Variants in SDK1 observed in about 807,000 individuals in gnomAD.
The protein encoded by SDK1 is protein sidekick-1.
Under a neutral mutation model 245.5 loss-of-function variants are expected in SDK1, and 157 were observed. The ratio of observed to expected loss-of-function variants is 0.64; its 90% CI spans 0.56 to 0.73. The LOEUF (loss-of-function observed/expected upper bound fraction) is 0.73. Ranked by LOEUF, SDK1 falls within the 30% of genes least tolerant of loss-of-function variation. The pLI, the probability that SDK1 is intolerant of heterozygous loss-of-function variation, is 0.00. For synonymous variants in SDK1, 1,647 were observed against 1,278.5 expected, an observed-to-expected ratio of 1.29 and a Z score of -6.15; for missense variants, 3,583 against 3,002.3, an observed-to-expected ratio of 1.19 and a Z score of -4.52.
At chr7:4,046,872 A>T (rs888742067) in intron 17 of SDK1, among the ~76,000 whole-genome samples, 2 of 151,116 alleles carry the variant, frequency 1.3e-5, no homozygotes, top group African/African-American at 4.9e-5. Context: ...CCCAGGCTGG[A>T]GTGCAGTGTA....
At chr7:3,598,871 C>CAT (rs3086071) in intron 1 of SDK1, among the ~76,000 whole-genome samples, 52,756 of 151,800 alleles carry the variant, frequency 0.35, 9,737 homozygotes, top group South Asian at 0.49. Flanking sequence ...TTTTGAAGGA[C>CAT]GTGGGCTGTA....
chr7:3,406,107 C>G (rs1779048158), intron 1 of SDK1, among the ~76,000 whole-genome samples: 1 of 152,070 alleles, frequency 6.6e-6, no homozygotes, highest in Admixed American at 6.5e-5. Context: ...GCCACCGCTC[C>G]TCGTCTGTTG....
At chr7:3,990,405 A>T (rs748733155) in intron 14 of SDK1, among the ~76,000 whole-genome samples, 2 of 152,212 alleles carry the variant, frequency 1.3e-5, no homozygotes, top group African/African-American at 4.8e-5. Flanking sequence ...GTGTGTGCAG[A>T]CGGCCATCTT....
chr7:4,150,950 A>G (rs73306758), intron 30 of SDK1, among the ~76,000 whole-genome samples: 17 of 152,346 alleles, frequency 1.1e-4, no homozygotes, highest in African/African-American at 4.1e-4. Context: ...GGCTTCTGCC[A>G]CTTGCCGTTG....
At chr7:4,077,263 C>T in intron 21 of SDK1, 74 bp downstream of exon 21, 1 of 1,436,758 alleles carries the variant, frequency 7.0e-7, no homozygotes, top group Middle Eastern at 2.0e-4. Flanking sequence ...AGTTGATTGG[C>T]ACTTTGGTGT....
chr7:4,030,279 CA>C (rs1265581524), intron 17 of SDK1, among the ~76,000 whole-genome samples: 1 of 152,194 alleles, frequency 6.6e-6, no homozygotes, highest in Admixed American at 6.5e-5. Flanking sequence ...TTGTGACATT[CA>C]AATAGTGTGA....
intron 41 of SDK1, among the ~76,000 whole-genome samples, chr7:4,235,816 A>G (rs1189507082): frequency 6.6e-6 from 1 of 152,180 alleles, no homozygotes; most frequent in Non-Finnish European, 1.5e-5. Context: ...GAAGCCAGCA[A>G]CCATCACCTG....
intron 4 of SDK1, among the ~76,000 whole-genome samples, chr7:3,783,078 A>G (rs957195581): frequency 1.3e-5 from 2 of 152,258 alleles, no homozygotes; most frequent in African/African-American, 2.4e-5. Context: ...ACACAAATCA[A>G]TAAATGTGAT....
At chr7:3,613,957 A>T (rs1324176674) in intron 1 of SDK1, among the ~76,000 whole-genome samples, 1 of 152,128 alleles carries the variant, frequency 6.6e-6, no homozygotes, top group Non-Finnish European at 1.5e-5. Flanking sequence ...GGAACAACAC[A>T]CATTGAGTCC....
intron 1 of SDK1, among the ~76,000 whole-genome samples, chr7:3,328,566 A>G (rs1306286366): frequency 2.0e-5 from 3 of 152,136 alleles, no homozygotes; most frequent in Non-Finnish European, 4.4e-5. Flanking sequence ...AATGTATTAC[A>G]TAAAAGTCTC....
intron 5 of SDK1, among the ~76,000 whole-genome samples, chr7:3,879,459 C>T (rs1331915281): frequency 3.3e-5 from 5 of 152,138 alleles, no homozygotes; most frequent in Non-Finnish European, 7.4e-5. Context: ...GTCAGAACTC[C>T]CTGGAGGCAG....
At position 3,784,279 on chromosome 7, in the gene SDK1, C is replaced by T. The variant is rs10260110; in HGVS notation, c.714-37171C>T. 5.6e-3 allele frequency among the ~76,000 whole-genome samples: 848 copies of T among 151,700 alleles called. 9 individuals are homozygous for T. The highest frequency in any genetic ancestry group is 0.02 in the African/African-American group (815 of 41,392). On this transcript the variant is annotated intron_variant, in intron 4 of 44. Coordinates refer to ENST00000404826, the MANE Select transcript of SDK1 (RefSeq NM_152744.4). ...AATATGCAATAAGAAAAGGATATCC[C>T]CTTCAATAAATGACTTTGGGAAAAG...
chr7:3,725,799 G>A (rs1339789112), intron 4 of SDK1, among the ~76,000 whole-genome samples: 1 of 152,270 alleles, frequency 6.6e-6, no homozygotes, highest in East Asian at 1.9e-4. Context: ...TATAAGCATG[G>A]TCACGAATGA....
intron 14 of SDK1, among the ~76,000 whole-genome samples, chr7:4,002,177 G>C (rs1785122157): frequency 6.6e-6 from 1 of 152,226 alleles, no homozygotes; most frequent in African/African-American, 2.4e-5. Flanking sequence ...TTAGTGCCCA[G>C]ATGAGCTCTG....
At chr7:3,596,997 G>A (rs1024138132) in intron 1 of SDK1, among the ~76,000 whole-genome samples, 6 of 152,146 alleles carry the variant, frequency 3.9e-5, no homozygotes, top group African/African-American at 1.2e-4. Context: ...CAGGCTGAGC[G>A]AGGTGACTCA....
chr7:3,777,113 C>A (rs1780589737), intron 4 of SDK1, among the ~76,000 whole-genome samples: 1 of 152,244 alleles, frequency 6.6e-6, no homozygotes, highest in Non-Finnish European at 1.5e-5. Context: ...ACTCTCAACC[C>A]CCTTGGCGCT....
At chr7:3,330,807 T>TAAAA (rs35013618) in intron 1 of SDK1, among the ~76,000 whole-genome samples, 3 of 115,342 alleles carry the variant, frequency 2.6e-5, no homozygotes, top group Admixed American at 9.6e-5. Context: ...CCATTTCGCT[T>TAAAA]AAAAAAAAAA....
chr7:4,025,590 T>G (rs763154907), intron 17 of SDK1, among the ~76,000 whole-genome samples: 14 of 152,222 alleles, frequency 9.2e-5, no homozygotes. Context: ...TCTTTCCTGC[T>G]AGCCTAGGAA....
chr7:3,333,590 G>C (rs1780123987), intron 1 of SDK1, among the ~76,000 whole-genome samples: 1 of 152,012 alleles, frequency 6.6e-6, no homozygotes, highest in African/African-American at 2.4e-5. Flanking sequence ...ACCCTGAACT[G>C]GCTTGTCTGT....
Sources: gnomAD v4.1 joint callset for allele counts (sites outside exome capture counted in the v4.1 genomes callset) on GRCh38, gnomAD v4.1.1 for gene constraint, MANE v1.5 for transcripts, NCBI Gene and HGNC (gene_info 2026-07-23, HGNC 2026-07-21) for gene names.